Variants in NEK9 observed in about 807,000 individuals in gnomAD.
NEK9 encodes serine/threonine-protein kinase Nek9.
Under a neutral mutation model 123.4 loss-of-function variants are expected in NEK9, and 75 were observed. The ratio of observed to expected loss-of-function variants is 0.61; its 90% CI spans 0.50 to 0.74. The LOEUF is 0.74. Among genes scored for constraint, NEK9 ranks in the 30% least tolerant of loss-of-function variants. NEK9 has a pLI of 0.00. For missense variants in NEK9, 952 were observed against 1,214.4 expected (o/e 0.78, Z 3.21); for synonymous variants, 438 against 458.7 (o/e 0.95, Z 0.58).
chr14:75,126,715 G>A lies in NEK9; in HGVS notation c.207C>T (p.Tyr69=), dbSNP rs1223686470. 2.7e-6 allele frequency: 4 copies of A among 1,469,622 alleles called. No individual in the cohort carries two copies. Among genetic ancestry groups the A allele is most frequent in the South Asian group, 2.7e-5 (2 of 74,110 alleles). 91.0% of individuals were successfully genotyped at this position (1,469,622 alleles called of 1,614,324 possible). A position where few individuals can be genotyped will look rare whatever the true frequency, so the allele number is the denominator to read the frequency against. Residue 69 remains tyrosine, a synonymous_variant, in exon 1 of 22, where the codon TAC becomes TAT. Transcript: ENST00000238616. ...GRGAFGEATL[Y]RRTEDDSLVV... Reference sequence around the variant, plus strand: ...CGAGGGCCGCTACCTCGGTGCGGCGGTACAGCGTGGCTTCCCCGAAGGCGC... The same window carrying A: ...CGAGGGCCGCTACCTCGGTGCGGCGATACAGCGTGGCTTCCCCGAAGGCGC...
chr14:75,110,386 G>A lies in NEK9; in HGVS notation c.939-15C>T, dbSNP rs1452996828. ...CCTCCATCTCTCTACCAAAAGAAAAGCAAAGATACATGAGTGAAATAATAG... is the reference window on the plus strand; with the variant it reads ...CCTCCATCTCTCTACCAAAAGAAAAACAAAGATACATGAGTGAAATAATAG... On this transcript the variant is annotated splice_polypyrimidine_tract_variant and intron_variant, in intron 8 of 21. Coordinates refer to ENST00000238616, the MANE Select transcript of NEK9 (RefSeq NM_033116.6). The A allele has an allele frequency of 6.2e-7, 1 of 1,605,462 alleles. No homozygotes were observed. The highest frequency in any genetic ancestry group is 1.7e-5 in the Admixed American group (1 of 59,932).
At chr14:75,105,097 T>C (rs555673544) in intron 13 of NEK9, among the ~76,000 whole-genome samples, 1 of 152,148 alleles carries the variant, frequency 6.6e-6, no homozygotes, top group South Asian at 2.1e-4. Context: ...TACAGCTAAC[T>C]AGACAGGACT....
rs1175062322 is a variant in NEK9 at position 75,117,305 on chromosome 14, T to C, written c.652A>G (p.Met218Val). The change falls in exon 6 of 22, where the codon ATG becomes GTG. Residue 218 changes from methionine (M) to valine (V), a missense_variant. Physicochemically the swap from Met to Val is conservative, Grantham distance 21. Around this residue, in one of 4 missense-constraint regions of NEK9, gnomAD observed 28 missense variants for 88.3 expected, o/e 0.32. Coordinates refer to ENST00000238616, the MANE Select transcript of NEK9 (RefSeq NM_033116.6). ...ACTCCTTGACAGAGCTCTGGAGACA[T>C]GTAATATGGGGTTCCCACAAGCTGA... ...AETLVGTPYYMSPELCQGVKY... is the reference protein window; with the variant it reads ...AETLVGTPYYVSPELCQGVKY... 1.2e-6 allele frequency: 2 copies of C among 1,611,732 alleles called. No individual in the cohort carries two copies. Among genetic ancestry groups the C allele is most frequent in the Non-Finnish European group, 1.7e-6 (2 of 1,179,390 alleles).
At chr14:75,116,917 A>G (rs1436859063) in intron 6 of NEK9, among the ~76,000 whole-genome samples, 1 of 151,954 alleles carries the variant, frequency 6.6e-6, no homozygotes, top group Non-Finnish European at 1.5e-5. Flanking sequence ...CACCCGGCTG[A>G]GTTTTGTATT....
chr14:75,090,435 T>C (rs1894177141), intron 19 of NEK9, among the ~76,000 whole-genome samples: 1 of 152,154 alleles, frequency 6.6e-6, no homozygotes, highest in Non-Finnish European at 1.5e-5. Context: ...CAATACATAG[T>C]CTTGTTGACA....
chr14:75,116,551 C>T (rs1204920362), intron 6 of NEK9: 6 of 311,964 alleles, frequency 1.9e-5, no homozygotes, highest in Non-Finnish European at 3.4e-5. Context: ...TAATAATGTT[C>T]CAATTCCTAC....
At chr14:75,118,206 T>A (rs72736240) in intron 5 of NEK9, among the ~76,000 whole-genome samples, 5,779 of 150,418 alleles carry the variant, frequency 0.038, 129 homozygotes, top group Middle Eastern at 0.052. Context: ...TTGACATTAT[T>A]AAAAAAAAAA....
chr14:75,126,947 C>T lies in NEK9; in HGVS notation c.-26G>A. ...GGCGGCGGCCGCGGGCCTTGGGGAC[C>T]AGCCTGCGTATGCCCGGAGGCCCTG... On this transcript the variant is annotated 5_prime_UTR_variant, in exon 1 of 22. Coordinates refer to ENST00000238616, the MANE Select transcript of NEK9 (RefSeq NM_033116.6). 2 of 1,434,826 alleles carry T rather than the reference C, an allele frequency of 1.4e-6. No homozygotes were observed. Among genetic ancestry groups the T allele is most frequent in the Non-Finnish European group, 9.2e-7 (1 of 1,087,354 alleles). The allele number at this position is 1,434,826 out of a possible 1,614,324, so 88.9% of individuals were successfully genotyped here.
intron 21 of NEK9, 65 bp downstream of exon 21, chr14:75,086,953 G>T: frequency 2.0e-6 from 3 of 1,471,464 alleles, no homozygotes; most frequent in Non-Finnish European, 1.9e-6. Context: ...TCAGTACTTT[G>T]TGTTTTGTTT....
chr14:75,105,993 C>A lies in NEK9; in HGVS notation c.1532G>T (p.Arg511Leu), dbSNP rs375491621. Residue 511 changes from arginine (R) to leucine (L), a missense_variant, in exon 13 of 22, where the codon CGA becomes CTA. Coordinates refer to ENST00000238616, the MANE Select transcript of NEK9 (RefSeq NM_033116.6). The part of the protein sequence containing the change: ...VYSWGCGEYG[R>L]LGLDSEEDYY... The stretch of plus-strand genomic sequence containing the variant: ...ATCCTCTTCTGAATCCAAACCCAGT[C>A]GTCCTGAAACACACATAAGAATGAA... 3 of 1,612,806 alleles carry A rather than the reference C, an allele frequency of 1.9e-6. No homozygotes were observed. The highest frequency in any genetic ancestry group is 2.5e-6 in the Non-Finnish European group (3 of 1,178,946).
intron 15 of NEK9, 59 bp downstream of exon 15, chr14:75,101,598 T>C: frequency 8.5e-7 from 1 of 1,175,468 alleles, no homozygotes; most frequent in Non-Finnish European, 1.3e-6. Flanking sequence ...ACCTAATACC[T>C]GATAGAATAA....
chr14:75,109,958 G>T, intron 9 of NEK9, 81 bp from the exon 10 acceptor site: 1 of 1,309,220 alleles, frequency 7.6e-7, no homozygotes, highest in Non-Finnish European at 1.0e-6. Flanking sequence ...TGTTCCCTGA[G>T]AAGAACTGCC....
intron 5 of NEK9, 32 bp from the exon 6 acceptor site, chr14:75,117,358 T>C: frequency 6.3e-7 from 1 of 1,583,502 alleles, no homozygotes; most frequent in Non-Finnish European, 8.5e-7. Flanking sequence ...AAAGAATAAC[T>C]TCTTTTCTGA....
chr14:75,106,076 C>G (rs1339208859), intron 12 of NEK9, 80 bp from the exon 13 acceptor site: 1 of 1,323,594 alleles, frequency 7.6e-7, no homozygotes, highest in East Asian at 2.3e-5. Flanking sequence ...TTCTCTTTTG[C>G]CAGGTGCGGT....
chr14:75,088,750 A>G (rs1894109314), intron 19 of NEK9, 109 bp from the exon 20 acceptor site: 1 of 949,214 alleles, frequency 1.1e-6, no homozygotes, highest in Non-Finnish European at 1.6e-6. Flanking sequence ...AGCACCCTCT[A>G]GTGGGCAAGA....
chr14:75,121,059 C>T (rs1895316273), intron 3 of NEK9, 60 bp downstream of exon 3: 1 of 1,331,840 alleles, frequency 7.5e-7, no homozygotes, highest in East Asian at 2.3e-5. Context: ...AAATACAGAA[C>T]TAGAATGCAA....
rs1390553181 is a variant in NEK9 at position 75,124,121 on chromosome 14, G to A, written c.322C>T (p.His108Tyr). Residue 108 changes from histidine (H) to tyrosine (Y), a missense_variant, in exon 2 of 22, where the codon CAC (histidine) becomes TAC (tyrosine). By Grantham distance (83) the His-to-Tyr change is moderately conservative. Transcript: ENST00000238616. ...NEIVILALLQ[H>Y]DNIIAYYNHF... ...TTGTAGTAGGCAATAATGTTGTCGT[G>A]CTGCAGCAGTGCCAGAATAACAATC... 2 of 1,614,014 alleles carry A rather than the reference G, an allele frequency of 1.2e-6. No individual in the cohort carries two copies. Among genetic ancestry groups the A allele is most frequent in the Non-Finnish European group, 1.7e-6 (2 of 1,179,882 alleles).
intron 10 of NEK9, among the ~76,000 whole-genome samples, chr14:75,108,560 TA>T (rs752788799): frequency 6.0e-5 from 9 of 150,632 alleles, no homozygotes; most frequent in South Asian, 2.1e-4. Flanking sequence ...TATATATATA[TA>T]TTTTTTTTTT....
rs1440432695 is a variant in NEK9, at chr14:75,080,805, TGA to T, written c.*3757_*3758del. On this transcript the variant is annotated 3_prime_UTR_variant, in exon 22 of 22. Coordinates refer to ENST00000238616, the MANE Select transcript of NEK9 (RefSeq NM_033116.6). Reference sequence around the variant, plus strand: ...ACAGGCGCCCACCACCACGCCCGGCTGATTTTTTGTATTTTTAGTAGAGATGG... The same window carrying T: ...ACAGGCGCCCACCACCACGCCCGGCTTTTTTTGTATTTTTAGTAGAGATGG... The T allele has an allele frequency of 6.6e-6, 1 of 151,244 alleles. No homozygotes were observed. Among genetic ancestry groups the T allele is most frequent in the East Asian group, 1.9e-4 (1 of 5,160 alleles). The allele number at this position is 151,244 out of a possible 1,614,324, so 9.4% of individuals were successfully genotyped here.
Sources: allele counts gnomAD v4.1 joint callset (sites outside exome capture counted in the v4.1 genomes callset), GRCh38; gene constraint gnomAD v4.1.1; regional missense constraint gnomAD v4.1.1; transcripts MANE v1.5; gene names NCBI Gene and HGNC (gene_info 2026-07-23, HGNC 2026-07-21).